Variants in DACH2 observed in about 807,000 individuals in gnomAD.
DACH2 encodes the protein dachshund homolog 2.
A neutral mutation model predicts 35.8 loss-of-function variants in DACH2; 17 were observed. The observed-to-expected ratio is 0.48, with a 90% CI of 0.33 to 0.71. The LOEUF is 0.71. Among genes scored for constraint, DACH2 ranks in the 30% least tolerant of loss-of-function variants. The probability of loss-of-function intolerance (pLI) is 0.02; values close to 1 mark genes in which losing one functional copy is unlikely to be tolerated. For missense variants in DACH2, 469 were observed against 472.7 expected, an observed-to-expected ratio of 0.99 and a Z score of 0.07; for synonymous variants, 195 against 177.3, an observed-to-expected ratio of 1.10 and a Z score of -0.79.
intron 7 of DACH2, among the ~76,000 whole-genome samples, chrX:86,802,669 G>A (rs1327344596): frequency 1.8e-5 from 2 of 110,757 alleles, no homozygotes; most frequent in African/African-American, 6.6e-5. Flanking sequence ...TTAGAATCCT[G>A]GGGAATATGG....
At chrX:86,730,991 A>T (rs1295647202) in intron 6 of DACH2, among the ~76,000 whole-genome samples, 1 of 111,654 alleles carries the variant, frequency 9.0e-6, no homozygotes, top group African/African-American at 3.2e-5. Context: ...TTACAAGTCT[A>T]GTTTTGGTTG....
chrX:86,745,227 T>A (rs1221333732), intron 7 of DACH2, among the ~76,000 whole-genome samples: 1 of 111,637 alleles, frequency 9.0e-6, no homozygotes, highest in African/African-American at 3.2e-5. Context: ...CACAATAGTA[T>A]ATATTATATT....
chrX:86,789,411 A>G (rs1053146181), intron 7 of DACH2, among the ~76,000 whole-genome samples: 4 of 112,276 alleles, frequency 3.6e-5, no homozygotes, highest in African/African-American at 1.3e-4. Context: ...CCTAACTTTT[A>G]GGTTGCAACA....
chrX:86,718,592 A>G (rs768275342), intron 6 of DACH2, among the ~76,000 whole-genome samples: 25 of 111,887 alleles, frequency 2.2e-4, no homozygotes, highest in Non-Finnish European at 3.9e-4. Flanking sequence ...GTATTTTTAT[A>G]GTATTTTTAT....
chrX:86,513,806 A>G (rs1379295874), intron 2 of DACH2, among the ~76,000 whole-genome samples: 1 of 111,963 alleles, frequency 8.9e-6, no homozygotes, highest in Non-Finnish European at 1.9e-5. Context: ...AGCTGTGGAA[A>G]TGCTAATAAA....
At chrX:86,424,781 G>T (rs892062561) in intron 2 of DACH2, among the ~76,000 whole-genome samples, 1 of 111,060 alleles carries the variant, frequency 9.0e-6, no homozygotes, top group Non-Finnish European at 1.9e-5. Flanking sequence ...AAGGCTTTCG[G>T]TTTTTCCCCA....
chrX:86,431,492 T>A (rs985383467), intron 2 of DACH2, among the ~76,000 whole-genome samples: 2 of 111,471 alleles, frequency 1.8e-5, no homozygotes, highest in Non-Finnish European at 3.8e-5. Context: ...TTATATCTGA[T>A]GGAGAGCATG....
chrX:86,827,903 TG>T, intron 11 of DACH2: 3 of 758,218 alleles, frequency 4.0e-6, no homozygotes, highest in Non-Finnish European at 5.8e-6. Context: ...AATTACTGTT[TG>T]TTCATTACTG....
chrX:86,149,903 G>C (rs1004817102), intron 1 of DACH2, among the ~76,000 whole-genome samples: 3 of 111,823 alleles, frequency 2.7e-5, no homozygotes, highest in African/African-American at 6.5e-5. Context: ...TGTACAAGTT[G>C]GCAGATTTCT....
chrX:86,703,032 A>C (rs934873605), intron 5 of DACH2, among the ~76,000 whole-genome samples: 15 of 111,219 alleles, frequency 1.3e-4, no homozygotes, highest in African/African-American at 4.6e-4. Context: ...AAATTACAAG[A>C]AAACCAAATC....
intron 4 of DACH2, among the ~76,000 whole-genome samples, chrX:86,671,671 A>C (rs2040766597): frequency 8.9e-6 from 1 of 111,797 alleles, no homozygotes. Flanking sequence ...TGGAAGTGTG[A>C]TCTAATTAAA....
intron 6 of DACH2, among the ~76,000 whole-genome samples, chrX:86,719,513 A>C (rs1432130908): frequency 2.7e-5 from 3 of 111,544 alleles, no homozygotes; most frequent in Non-Finnish European, 3.8e-5. Flanking sequence ...CTATGAAGAA[A>C]TACCTGAGAC....
chrX:86,184,890 A>G (rs1462029876), intron 1 of DACH2, among the ~76,000 whole-genome samples: 1 of 109,884 alleles, frequency 9.1e-6, no homozygotes, highest in Non-Finnish European at 1.9e-5. Context: ...AATAATTTGA[A>G]TCTTTTTTTT....
chrX:86,407,963 C>T (rs1198720191), intron 2 of DACH2, among the ~76,000 whole-genome samples: 3 of 110,326 alleles, frequency 2.7e-5, no homozygotes, highest in Non-Finnish European at 3.8e-5. Context: ...GATGAGGAAA[C>T]AAATATCATG....
Position 86,151,559 on chromosome X carries a change from A to G in DACH2, c.488+2451A>G, listed in dbSNP as rs191548845. ...CAATTTTAGATAGAAGACAACCACAATTTCCGGGAAAAATCTAATTAATTA... is the reference window on the plus strand; with the variant it reads ...CAATTTTAGATAGAAGACAACCACAGTTTCCGGGAAAAATCTAATTAATTA... On this transcript the variant is annotated intron_variant, in intron 1 of 11. Coordinates refer to ENST00000373125, the MANE Select transcript of DACH2 (RefSeq NM_053281.3). Among the ~76,000 whole-genome samples, 944 of 111,285 alleles carry G rather than the reference A, an allele frequency of 8.5e-3. 12 individuals are homozygous for G. Among genetic ancestry groups the G allele is most frequent in the African/African-American group, 0.029 (890 of 30,657 alleles).
At chrX:86,428,509 T>C (rs1228761344) in intron 2 of DACH2, among the ~76,000 whole-genome samples, 1 of 112,074 alleles carries the variant, frequency 8.9e-6, no homozygotes, top group Non-Finnish European at 1.9e-5. Context: ...ACTATTATGA[T>C]GTTTTGGGTT....
chrX:86,475,335 C>CT (rs756394219), intron 2 of DACH2, among the ~76,000 whole-genome samples: 1 of 111,242 alleles, frequency 9.0e-6, no homozygotes, highest in East Asian at 2.9e-4. Context: ...AAAGGAATAT[C>CT]TTTTTTGTGT....
At chrX:86,603,302 T>C (rs1395016637) in intron 3 of DACH2, among the ~76,000 whole-genome samples, 1 of 111,236 alleles carries the variant, frequency 9.0e-6, no homozygotes, top group Non-Finnish European at 1.9e-5. Context: ...CTAAACAAGG[T>C]CATATTTTGA....
At chrX:86,570,557 G>C (rs754275846) in intron 3 of DACH2, among the ~76,000 whole-genome samples, 1 of 110,560 alleles carries the variant, frequency 9.0e-6, no homozygotes, top group South Asian at 3.9e-4. Context: ...ATGGACACAG[G>C]GAGAGGAACA....
Sources: allele counts gnomAD v4.1 joint callset (sites outside exome capture counted in the v4.1 genomes callset), GRCh38; gene constraint gnomAD v4.1.1; transcripts MANE v1.5; gene names NCBI Gene and HGNC (gene_info 2026-07-23, HGNC 2026-07-21).